The following LRMDA variants were observed in gnomAD, a reference collection of about 807,000 sequenced individuals.
LRMDA encodes leucine rich melanocyte differentiation associated.
LRMDA carries 18 observed loss-of-function variants against 29.8 expected under a neutral mutation model. The observed-to-expected ratio is 0.60, with a 90% CI of 0.42 to 0.90. The LOEUF (loss-of-function observed/expected upper bound fraction) is 0.90, where lower values mean the gene tolerates loss of function less well. Ranked by LOEUF, LRMDA falls within the 40% of genes least tolerant of loss-of-function variation. LRMDA has a pLI of 0.00. For synonymous variants in LRMDA, 125 were observed against 109.4 expected, an observed-to-expected ratio of 1.14 and a Z score of -0.89; for missense variants, 273 against 273.9, an observed-to-expected ratio of 1.00 and a Z score of 0.02.
chr10:76,111,904 T>G (rs549529633), intron 5 of LRMDA, among the ~76,000 whole-genome samples: 1 of 152,236 alleles, frequency 6.6e-6, no homozygotes, highest in South Asian at 2.1e-4. Context: ...ACGCCAACGT[T>G]GCGGCACCAG....
At chr10:75,470,441 G>C (rs1024355144) in intron 2 of LRMDA, among the ~76,000 whole-genome samples, 5 of 152,206 alleles carry the variant, frequency 3.3e-5, no homozygotes, top group African/African-American at 1.2e-4. Flanking sequence ...AGGTTGCAGT[G>C]AGCTGAGATT....
rs1216691096 is a variant in LRMDA, at chr10:75,653,127, T to G, written c.131+214633T>G. On this transcript the variant is annotated intron_variant, in intron 2 of 6. Coordinates refer to ENST00000611255, the MANE Select transcript of LRMDA (RefSeq NM_001305581.2). Reference sequence around the variant, plus strand: ...CTAAGACTGAAGCAGAGAATATTTTTGGGGAAGTGAATGAACTGTTGGGTT... The same window carrying G: ...CTAAGACTGAAGCAGAGAATATTTTGGGGGAAGTGAATGAACTGTTGGGTT... Among the ~76,000 whole-genome samples, 3 of 152,220 alleles carry G rather than the reference T, an allele frequency of 2.0e-5. No homozygotes were observed. The East Asian group carries it at 5.8e-4, about 29-fold the overall frequency.
chr10:76,455,632 G>C (rs1264043796), intron 6 of LRMDA, among the ~76,000 whole-genome samples: 3 of 152,142 alleles, frequency 2.0e-5, no homozygotes. Context: ...TCAAATTCAA[G>C]TTGCAAATCT....
chr10:76,379,631 T>G (rs920112307), intron 6 of LRMDA, among the ~76,000 whole-genome samples: 2 of 152,082 alleles, frequency 1.3e-5, no homozygotes, highest in African/African-American at 4.8e-5. Flanking sequence ...AGCTAGCAGT[T>G]TATCAATTTT....
chr10:76,326,583 T>C (rs1840836059), intron 6 of LRMDA, among the ~76,000 whole-genome samples: 1 of 152,256 alleles, frequency 6.6e-6, no homozygotes, highest in South Asian at 2.1e-4. Context: ...GTGGAAGTTC[T>C]ATTTGCAAAT....
At chr10:76,238,808 T>A (rs66955802) in intron 5 of LRMDA, among the ~76,000 whole-genome samples, 12,725 of 148,828 alleles carry the variant, frequency 0.086, 543 homozygotes, top group Middle Eastern at 0.13. Context: ...TTTTTTTTTT[T>A]AATTTGATCA....
At chr10:75,795,129 C>T (rs560150907) in intron 2 of LRMDA, among the ~76,000 whole-genome samples, 1 of 152,234 alleles carries the variant, frequency 6.6e-6, no homozygotes, top group South Asian at 2.1e-4. Context: ...GGCACAGTGG[C>T]TCACACCTGT....
chr10:76,522,732 G>A (rs771055124), intron 6 of LRMDA, among the ~76,000 whole-genome samples: 7 of 152,158 alleles, frequency 4.6e-5, no homozygotes, highest in East Asian at 1.9e-4. Flanking sequence ...ATGATCCCCC[G>A]CCACCTCTCC....
chr10:75,884,505 G>A (rs138729166), intron 2 of LRMDA, among the ~76,000 whole-genome samples: 2 of 152,278 alleles, frequency 1.3e-5, no homozygotes, highest in African/African-American at 4.8e-5. Context: ...TCTAGCAGAA[G>A]CAGATGGAGA....
chr10:75,731,852 A>C (rs943287769), intron 2 of LRMDA, among the ~76,000 whole-genome samples: 1 of 152,198 alleles, frequency 6.6e-6, no homozygotes, highest in Non-Finnish European at 1.5e-5. Context: ...AAAATCAACT[A>C]CCTATAGCTT....
chr10:76,203,199 C>T (rs1362605251), intron 5 of LRMDA, among the ~76,000 whole-genome samples: 1 of 152,224 alleles, frequency 6.6e-6, no homozygotes, highest in Admixed American at 6.5e-5. Context: ...ACAAGTTCTG[C>T]TCCCTGTGAG....
rs533888320 is a variant in LRMDA at position 76,212,269 on chromosome 10, A to ACACACACACAT, written c.517-112132_517-112131insCACACACACAT. ...CACACACACACACACACACACACAT[A>ACACACACACAT]AAAAAAAAAAACTATAGAGAAATAT... On this transcript the variant is annotated intron_variant, in intron 5 of 6. Coordinates refer to ENST00000611255, the MANE Select transcript of LRMDA (RefSeq NM_001305581.2). Among the ~76,000 whole-genome samples, 455 of 135,316 alleles carry ACACACACACAT rather than the reference A, an allele frequency of 3.4e-3. 5 individuals carry two copies. In the South Asian group the frequency reaches 0.034, roughly 10 times the overall value. 88.8% of individuals were successfully genotyped at this position (135,316 alleles called of 152,430 possible). A position where few individuals can be genotyped will look rare whatever the true frequency, so the allele number is the denominator to read the frequency against.
chr10:76,283,080 T>A (rs1053981955), intron 5 of LRMDA, among the ~76,000 whole-genome samples: 3 of 152,224 alleles, frequency 2.0e-5, no homozygotes, highest in African/African-American at 7.2e-5. Context: ...GAACCTCAAC[T>A]TCAAGGTTGC....
chr10:75,802,331 A>ACGCG (rs746546446), intron 2 of LRMDA, among the ~76,000 whole-genome samples: 1 of 112,710 alleles, frequency 8.9e-6, no homozygotes, highest in African/African-American at 3.2e-5. Flanking sequence ...ACACACACAC[A>ACGCG]CGCGCACACA....
At chr10:76,133,253 G>A (rs1850031430) in intron 5 of LRMDA, among the ~76,000 whole-genome samples, 1 of 142,466 alleles carries the variant, frequency 7.0e-6, no homozygotes, top group South Asian at 2.3e-4. Context: ...TATGAGGCTG[G>A]ATTATATTTA....
chr10:76,210,861 T>C (rs998125588), intron 5 of LRMDA, among the ~76,000 whole-genome samples: 6 of 152,204 alleles, frequency 3.9e-5, no homozygotes, highest in Non-Finnish European at 8.8e-5. Context: ...CGTATGTGTG[T>C]TGGAGGGACA....
intron 2 of LRMDA, among the ~76,000 whole-genome samples, chr10:75,618,398 A>C (rs1421671871): frequency 2.1e-5 from 3 of 145,140 alleles, no homozygotes; most frequent in Non-Finnish European, 4.5e-5. Flanking sequence ...ATATATATAT[A>C]TATATATATC....
At chr10:75,780,804 C>G (rs1843372743) in intron 2 of LRMDA, among the ~76,000 whole-genome samples, 1 of 152,162 alleles carries the variant, frequency 6.6e-6, no homozygotes, top group Non-Finnish European at 1.5e-5. Context: ...TTTTGCTCAT[C>G]TGTGTGTCTC....
intron 6 of LRMDA, among the ~76,000 whole-genome samples, chr10:76,404,934 T>A (rs895560542): frequency 6.6e-6 from 1 of 152,050 alleles, no homozygotes; most frequent in Non-Finnish European, 1.5e-5. Context: ...AAGTTGAAGA[T>A]GAAGGAAGGG....
Sources: gnomAD v4.1 joint callset for allele counts (sites outside exome capture counted in the v4.1 genomes callset) on GRCh38, gnomAD v4.1.1 for gene constraint, MANE v1.5 for transcripts, NCBI Gene and HGNC (gene_info 2026-07-23, HGNC 2026-07-21) for gene names.